The following TMEM245 variants were observed in gnomAD, a reference collection of about 807,000 sequenced individuals.
TMEM245 encodes the protein transmembrane protein 245.
TMEM245 carries 69 observed loss-of-function variants against 101.2 expected under a neutral mutation model. That is an observed-to-expected ratio of 0.68 (90% confidence interval 0.56 to 0.83). TMEM245 has a LOEUF of 0.83. TMEM245 is among the 40% of genes least tolerant of loss of function. TMEM245 has a pLI of 0.00. For missense variants in TMEM245, 1,075 were observed against 1,092.8 expected, an observed-to-expected ratio of 0.98 and a Z score of 0.23; for synonymous variants, 537 against 449.8, an observed-to-expected ratio of 1.19 and a Z score of -2.45.
At chr9:109,107,306 G>T (rs1337928737) in intron 2 of TMEM245, among the ~76,000 whole-genome samples, 1 of 151,660 alleles carries the variant, frequency 6.6e-6, no homozygotes, top group Admixed American at 6.6e-5. Context: ...GGCTGAGACA[G>T]GAGAATTGCT....
At chr9:109,082,288 A>C (rs1183534704) in intron 7 of TMEM245, among the ~76,000 whole-genome samples, 1 of 152,188 alleles carries the variant, frequency 6.6e-6, no homozygotes, top group Non-Finnish European at 1.5e-5. Flanking sequence ...CAAACAGAAG[A>C]GTTAATTTTC....
At chr9:109,032,120 C>T (rs1564169976) in intron 17 of TMEM245, among the ~76,000 whole-genome samples, 1 of 152,122 alleles carries the variant, frequency 6.6e-6, no homozygotes, top group African/African-American at 2.4e-5. Flanking sequence ...CATCATGACA[C>T]GTCATCTTTA....
At chr9:109,036,528 C>T in intron 15 of TMEM245, 148 bp from the exon 16 acceptor site, 1 of 748,950 alleles carries the variant, frequency 1.3e-6, no homozygotes, top group Non-Finnish European at 2.0e-6. Context: ...ATGATATGCC[C>T]TATCTAACTG....
intron 9 of TMEM245, among the ~76,000 whole-genome samples, chr9:109,071,479 C>A (rs1210839474): frequency 6.6e-6 from 1 of 151,674 alleles, no homozygotes; most frequent in Non-Finnish European, 1.5e-5. Context: ...TGGCTCATGC[C>A]TGTAGTCCCA....
intron 17 of TMEM245, among the ~76,000 whole-genome samples, chr9:109,020,979 G>A (rs899809898): frequency 6.6e-6 from 1 of 152,198 alleles, no homozygotes; most frequent in African/African-American, 2.4e-5. Flanking sequence ...AGCTCTAAGG[G>A]ATGTGGTTCA....
At chr9:109,044,891 C>G (rs1828436522) in intron 14 of TMEM245, among the ~76,000 whole-genome samples, 1 of 151,878 alleles carries the variant, frequency 6.6e-6, no homozygotes. Context: ...TCCCGAGTAG[C>G]TAGGACTACA....
Position 109,034,477 on chromosome 9 carries a change from C to T in TMEM245, c.2400-976G>A, listed in dbSNP as rs574693448. 7.9e-5 allele frequency among the ~76,000 whole-genome samples: 12 copies of T among 152,174 alleles called. No homozygotes were observed. In the East Asian group the frequency reaches 1.9e-3, roughly 24 times the overall value. ...CAAAAATGCTTAAAGCTTTTTATTCCGCTCCATCACCCAGGCTGGAATGCA... is the reference window on the plus strand; with the variant it reads ...CAAAAATGCTTAAAGCTTTTTATTCTGCTCCATCACCCAGGCTGGAATGCA... On this transcript the variant is annotated intron_variant, in intron 16 of 17. Transcript: ENST00000374586.
intron 16 of TMEM245, among the ~76,000 whole-genome samples, chr9:109,034,137 T>C (rs181937902): frequency 7.5e-4 from 114 of 152,280 alleles, no homozygotes; most frequent in African/African-American, 2.6e-3. Context: ...CACAGTAGCA[T>C]AGCACATTGA....
At chr9:109,085,923 CAT>C (rs1289892211) in intron 7 of TMEM245, 72 bp downstream of exon 7, 2 of 1,504,594 alleles carry the variant, frequency 1.3e-6, no homozygotes, top group African/African-American at 2.8e-5. Context: ...TGGACAGAAA[CAT>C]AGAGTGAAAA....
At chr9:109,045,331 T>G (rs749603587) in intron 14 of TMEM245, among the ~76,000 whole-genome samples, 2 of 152,058 alleles carry the variant, frequency 1.3e-5, no homozygotes, top group Non-Finnish European at 2.9e-5. Context: ...ACATTAGATT[T>G]CCAGCATGAG....
At chr9:109,110,199 G>A (rs1830531927) in intron 1 of TMEM245, among the ~76,000 whole-genome samples, 1 of 152,134 alleles carries the variant, frequency 6.6e-6, no homozygotes, top group African/African-American at 2.4e-5. Flanking sequence ...AGATCTGATT[G>A]CAGAGCATAG....
chr9:109,078,211 A>G (rs909518068), intron 8 of TMEM245, among the ~76,000 whole-genome samples: 6 of 152,210 alleles, frequency 3.9e-5, no homozygotes, highest in African/African-American at 1.4e-4. Flanking sequence ...TCTTTGTGCT[A>G]TGGTTTTACA....
chr9:109,039,532 A>G (rs746843411), intron 14 of TMEM245, among the ~76,000 whole-genome samples: 57 of 152,182 alleles, frequency 3.7e-4, no homozygotes, highest in Non-Finnish European at 6.9e-4. Flanking sequence ...AGGAACTCAA[A>G]AAGGATGATG....
At chr9:109,100,548 C>T (rs917410531) in intron 3 of TMEM245, among the ~76,000 whole-genome samples, 1 of 152,080 alleles carries the variant, frequency 6.6e-6, no homozygotes, top group African/African-American at 2.4e-5. Flanking sequence ...CAGGGTCTCA[C>T]TATCTTGACC....
At chr9:109,079,379 C>A (rs1435021650) in intron 8 of TMEM245, among the ~76,000 whole-genome samples, 1 of 151,780 alleles carries the variant, frequency 6.6e-6, no homozygotes, top group East Asian at 1.9e-4. Context: ...TCCATTTGAG[C>A]AAGCAGAAGA....
In TMEM245 at chr9:109,073,365, T is replaced by C. The variant is rs979860086; in HGVS notation, c.1523A>G (p.Glu508Gly). 6.2e-7 allele frequency: 1 copy of C among 1,612,404 alleles called. No homozygotes were observed. Among genetic ancestry groups the C allele is most frequent in the Non-Finnish European group, 8.5e-7 (1 of 1,178,896 alleles). The change falls in exon 9 of 18, where the codon GAG becomes GGG. Residue 508 changes from glutamate (E) to glycine (G), a missense_variant. By Grantham distance (98) the Glu-to-Gly change is moderately conservative. Transcript: ENST00000374586. ...AAAACAATATTCTTACTTTGCCCACTCAGGGTGATTTGCTAGAGTTTCATT... is the reference window on the plus strand; with the variant it reads ...AAAACAATATTCTTACTTTGCCCACCCAGGGTGATTTGCTAGAGTTTCATT... Reference protein sequence around the residue: ...LINETLANHPEWANWLPEAQV... With the variant: ...LINETLANHPGWANWLPEAQV...
chr9:109,035,697 T>C (rs1312264294), intron 16 of TMEM245, among the ~76,000 whole-genome samples: 1 of 152,132 alleles, frequency 6.6e-6, no homozygotes, highest in Non-Finnish European at 1.5e-5. Flanking sequence ...AGGTTAAATG[T>C]CACTAAATCA....
At chr9:109,035,029 C>T (rs1188524295) in intron 16 of TMEM245, among the ~76,000 whole-genome samples, 4 of 151,284 alleles carry the variant, frequency 2.6e-5, no homozygotes, top group Admixed American at 6.6e-5. Context: ...TGGTGGTGCA[C>T]GCCTGTAATC....
chr9:109,033,585 A>G (rs1828030960), intron 16 of TMEM245, 84 bp from the exon 17 acceptor site: 3 of 1,321,764 alleles, frequency 2.3e-6, no homozygotes, highest in African/African-American at 1.5e-5. Flanking sequence ...ATTCTTTAAT[A>G]CACTATGCTT....
Sources: allele counts gnomAD v4.1 joint callset (sites outside exome capture counted in the v4.1 genomes callset), GRCh38; gene constraint gnomAD v4.1.1; transcripts MANE v1.5; gene names NCBI Gene and HGNC (gene_info 2026-07-23, HGNC 2026-07-21).